The following CNTLN variants were observed in gnomAD, a reference collection of about 807,000 sequenced individuals.
CNTLN encodes centlein, centrosomal protein.
A neutral mutation model predicts 180.0 loss-of-function variants in CNTLN; 212 were observed. The ratio of observed to expected loss-of-function variants is 1.18; its 90% CI spans 1.05 to 1.32. The LOEUF is 1.32. Among genes scored for constraint, CNTLN ranks in the 40% most tolerant of loss-of-function variants. CNTLN has a pLI of 0.00. For missense variants in CNTLN, 2,095 were observed against 1,610.9 expected, an observed-to-expected ratio of 1.30 and a Z score of -5.14; for synonymous variants, 722 against 563.1, an observed-to-expected ratio of 1.28 and a Z score of -3.99.
intron 8 of CNTLN, among the ~76,000 whole-genome samples, chr9:17,324,270 C>T (rs10810756): frequency 0.57 from 87,077 of 151,956 alleles, 25,400 homozygotes; most frequent in East Asian, 0.73. Context: ...TTTAGAAATT[C>T]ATTTTAGGAT....
At chr9:17,335,502 T>C (rs1820953104) in intron 10 of CNTLN, among the ~76,000 whole-genome samples, 1 of 151,638 alleles carries the variant, frequency 6.6e-6, no homozygotes, top group African/African-American at 2.4e-5. Context: ...GGTGACAGAG[T>C]GAGACTGTGT....
chr9:17,482,779 C>T (rs1414800966), intron 23 of CNTLN, among the ~76,000 whole-genome samples: 12 of 152,050 alleles, frequency 7.9e-5, no homozygotes, highest in African/African-American at 2.7e-4. Flanking sequence ...ATAGAAAGTT[C>T]AGACACTGAC....
chr9:17,518,921 A>G, the CNTLN span, among the ~76,000 whole-genome samples: 2 of 152,010 alleles, frequency 1.3e-5, no homozygotes, highest in African/African-American at 2.4e-5. Flanking sequence ...GTGAAAAGCC[A>G]CTGAGACTTG....
At chr9:17,154,076 A>G (rs1819090077) in intron 2 of CNTLN, among the ~76,000 whole-genome samples, 1 of 152,100 alleles carries the variant, frequency 6.6e-6, no homozygotes, top group African/African-American at 2.4e-5. Flanking sequence ...CAAGGTTCTT[A>G]GCTTCCTTGC....
At chr9:17,415,753 G>C in intron 16 of CNTLN, 35 bp from the exon 17 acceptor site, 1 of 1,255,416 alleles carries the variant, frequency 8.0e-7, no homozygotes, top group Non-Finnish European at 1.2e-6. Flanking sequence ...TGTTATTGAA[G>C]AATAATACCA....
intron 25 of CNTLN, among the ~76,000 whole-genome samples, chr9:17,498,742 C>G (rs1428068391): frequency 6.6e-6 from 1 of 152,164 alleles, no homozygotes; most frequent in Non-Finnish European, 1.5e-5. Flanking sequence ...CATGCAGGCT[C>G]TCTGGACTTT....
chr9:17,165,443 G>A (rs767283857), intron 2 of CNTLN, among the ~76,000 whole-genome samples: 5 of 152,140 alleles, frequency 3.3e-5, no homozygotes, highest in Non-Finnish European at 7.4e-5. Flanking sequence ...TTGATAAGTG[G>A]TAACTGACTT....
intron 23 of CNTLN, among the ~76,000 whole-genome samples, chr9:17,469,944 G>A (rs2499047): frequency 0.95 from 144,906 of 151,914 alleles, 69,413 homozygotes; most frequent in Non-Finnish European, 1. Context: ...GAGAATTTAA[G>A]TAAGTTACAA....
intron 5 of CNTLN, among the ~76,000 whole-genome samples, chr9:17,261,256 C>T (rs1017881826): frequency 6.6e-6 from 1 of 151,380 alleles, no homozygotes. Flanking sequence ...TTGTAGATTC[C>T]TTCATGGAGT....
chr9:17,512,783 G>A, the CNTLN span, among the ~76,000 whole-genome samples: 1 of 152,140 alleles, frequency 6.6e-6, no homozygotes, highest in South Asian at 2.1e-4. Context: ...TCTGTGCTAG[G>A]AGACACACAG....
intron 2 of CNTLN, among the ~76,000 whole-genome samples, chr9:17,158,345 GT>G (rs1421625971): frequency 6.6e-6 from 1 of 152,040 alleles, no homozygotes; most frequent in Non-Finnish European, 1.5e-5. Context: ...AGGTACTATA[GT>G]TTTCTTTTCT....
intron 2 of CNTLN, among the ~76,000 whole-genome samples, chr9:17,221,503 A>T (rs1426775665): frequency 6.6e-6 from 1 of 152,146 alleles, no homozygotes; most frequent in Admixed American, 6.6e-5. Context: ...ATAAAGCAAG[A>T]TAAAGTGCAA....
chr9:17,301,437 C>T (rs1282337835), intron 7 of CNTLN: 2 of 985,224 alleles, frequency 2.0e-6, no homozygotes, highest in Non-Finnish European at 2.4e-6. Context: ...CTGAGATGTG[C>T]TAACCTAATA....
At chr9:17,291,551 A>G (rs190486282) in intron 6 of CNTLN, among the ~76,000 whole-genome samples, 29 of 152,280 alleles carry the variant, frequency 1.9e-4, no homozygotes, top group Non-Finnish European at 3.8e-4. Context: ...ACCCTTTACC[A>G]TTATGTAATG....
chr9:17,235,507 A>ATGC (rs1257244829), intron 3 of CNTLN, 151 bp from the exon 4 acceptor site: 1 of 574,358 alleles, frequency 1.7e-6, no homozygotes, highest in Admixed American at 4.1e-5. Context: ...ATTCATGGGC[A>ATGC]TGTTACAGGA....
intron 19 of CNTLN, among the ~76,000 whole-genome samples, chr9:17,461,888 A>G (rs1179120879): frequency 1.3e-5 from 2 of 151,794 alleles, no homozygotes; most frequent in East Asian, 1.9e-4. Flanking sequence ...AGTTGGAACT[A>G]GAGTCAAAAT....
intron 23 of CNTLN, among the ~76,000 whole-genome samples, chr9:17,475,522 A>C: frequency 6.9e-6 from 1 of 144,972 alleles, no homozygotes; most frequent in African/African-American, 2.5e-5. Context: ...GAGAGAGGGA[A>C]TGAACAGGGA....
At chr9:17,484,640 A>T (rs894693518) in intron 24 of CNTLN, among the ~76,000 whole-genome samples, 160 bp downstream of exon 24, 1 of 152,142 alleles carries the variant, frequency 6.6e-6, no homozygotes, top group Non-Finnish European at 1.5e-5. Flanking sequence ...TCAAGTATTA[A>T]CTAACTCAAA....
intron 2 of CNTLN, among the ~76,000 whole-genome samples, chr9:17,161,993 A>C (rs1819713446): frequency 6.6e-6 from 1 of 151,948 alleles, no homozygotes; most frequent in South Asian, 2.1e-4. Context: ...TATTTGTCTT[A>C]GGGCAGTGAT....
Sources: gnomAD v4.1 joint callset for allele counts (sites outside exome capture counted in the v4.1 genomes callset) on GRCh38, gnomAD v4.1.1 for gene constraint, MANE v1.5 for transcripts, NCBI Gene and HGNC (gene_info 2026-07-23, HGNC 2026-07-21) for gene names.